CREB5: variants seen among roughly 807,000 people sequenced by gnomAD.
CREB5 encodes the protein cyclic AMP-responsive element-binding protein 5.
A neutral mutation model predicts 57.1 loss-of-function variants in CREB5; 19 were observed. That is an observed-to-expected ratio of 0.33 (90% CI 0.23 to 0.49). The LOEUF is 0.49. Ranked by LOEUF, CREB5 falls within the 20% of genes least tolerant of loss-of-function variation. CREB5 has a pLI of 0.99. For synonymous variants in CREB5, 238 were observed against 238.3 expected (o/e 1.00, Z 0.01); for missense variants, 579 against 671.6 (o/e 0.86, Z 1.52).
intron 1 of CREB5, among the ~76,000 whole-genome samples, chr7:28,435,381 A>ATTT (rs34815040): frequency 9.7e-5 from 10 of 103,520 alleles, no homozygotes; most frequent in African/African-American, 3.0e-4. Context: ...TTTCCCTTCC[A>ATTT]TTTTTTTTTT....
At chr7:28,388,407 G>A (rs1787153031) in intron 1 of CREB5, among the ~76,000 whole-genome samples, 1 of 152,146 alleles carries the variant, frequency 6.6e-6, no homozygotes, top group South Asian at 2.1e-4. Flanking sequence ...TTAGGCCTCA[G>A]TGTGGCCATT....
chr7:28,420,396 A>G (rs1422959136), intron 1 of CREB5, among the ~76,000 whole-genome samples: 2 of 152,250 alleles, frequency 1.3e-5, no homozygotes, highest in African/African-American at 4.8e-5. Flanking sequence ...AGAAAGTCTT[A>G]TATTCCTTCA....
intron 1 of CREB5, among the ~76,000 whole-genome samples, chr7:28,337,681 A>G (rs560022084): frequency 4.6e-5 from 7 of 152,012 alleles, no homozygotes; most frequent in African/African-American, 1.4e-4. Context: ...GATTGGAAAG[A>G]TTTGTCCATT....
chr7:28,761,795 G>A (rs1562623404), intron 7 of CREB5, among the ~76,000 whole-genome samples: 1 of 151,860 alleles, frequency 6.6e-6, no homozygotes, highest in Non-Finnish European at 1.5e-5. Flanking sequence ...GGGGTCAAAG[G>A]TGATAATTCA....
chr7:28,648,928 G>C (rs1055931238), intron 5 of CREB5, among the ~76,000 whole-genome samples: 4 of 152,114 alleles, frequency 2.6e-5, no homozygotes, highest in African/African-American at 9.7e-5. Context: ...TGCCTTAAAA[G>C]CTTTAATGTA....
At chr7:28,774,484 C>G (rs986607754) in intron 7 of CREB5, among the ~76,000 whole-genome samples, 1 of 152,222 alleles carries the variant, frequency 6.6e-6, no homozygotes, top group Non-Finnish European at 1.5e-5. Flanking sequence ...TTCCCAGAAT[C>G]CTGCATTTAC....
At chr7:28,367,367 C>T (rs1431234391) in intron 1 of CREB5, among the ~76,000 whole-genome samples, 1 of 152,344 alleles carries the variant, frequency 6.6e-6, no homozygotes, top group East Asian at 1.9e-4. Flanking sequence ...TCCGGCACCA[C>T]ATCCAACCAA....
intron 7 of CREB5, among the ~76,000 whole-genome samples, chr7:28,748,903 C>T (rs181697054): frequency 2.0e-5 from 3 of 152,308 alleles, no homozygotes; most frequent in Non-Finnish European, 2.9e-5. Flanking sequence ...CTCCCAGTGT[C>T]GTAGCTGCTT....
intron 1 of CREB5, among the ~76,000 whole-genome samples, chr7:28,431,647 C>T (rs998095161): frequency 1.3e-5 from 2 of 152,226 alleles, no homozygotes; most frequent in African/African-American, 4.8e-5. Flanking sequence ...TTTAACTTGC[C>T]GGTTCACAGA....
chr7:28,739,353 G>A (rs1804209712), intron 7 of CREB5, among the ~76,000 whole-genome samples: 1 of 152,208 alleles, frequency 6.6e-6, no homozygotes, highest in Non-Finnish European at 1.5e-5. Flanking sequence ...TGTCTGTTCA[G>A]TAGCGCTGGT....
intron 1 of CREB5, among the ~76,000 whole-genome samples, chr7:28,438,946 G>C (rs1255092352): frequency 6.6e-6 from 1 of 152,202 alleles, no homozygotes; most frequent in African/African-American, 2.4e-5. Context: ...AAAACTTGGA[G>C]AGCAGGGTAA....
At chr7:28,597,511 A>C (rs1215571076) in intron 5 of CREB5, among the ~76,000 whole-genome samples, 1 of 152,242 alleles carries the variant, frequency 6.6e-6, no homozygotes, top group African/African-American at 2.4e-5. Context: ...ATCAGGAAAG[A>C]TAAACAGTGA....
At chr7:28,556,993 ACTT>A in intron 4 of CREB5, among the ~76,000 whole-genome samples, 1 of 152,266 alleles carries the variant, frequency 6.6e-6, no homozygotes, top group East Asian at 1.9e-4. Flanking sequence ...AGTCCTGGTA[ACTT>A]CTTCCTTCTC....
intron 5 of CREB5, among the ~76,000 whole-genome samples, chr7:28,620,926 C>A (rs1249387794): frequency 6.6e-6 from 1 of 152,118 alleles, no homozygotes; most frequent in Non-Finnish European, 1.5e-5. Flanking sequence ...AATAAGAAGT[C>A]CCTAAAATTA....
chr7:28,742,571 AAAAGAAAAGAAAAGG>A (rs1242399600), intron 7 of CREB5, among the ~76,000 whole-genome samples: 2 of 151,974 alleles, frequency 1.3e-5, no homozygotes, highest in East Asian at 3.9e-4. Context: ...GTCTCAAAAA[AAAAGAAAAGAAAAGG>A]AAAGAAAAGA....
chr7:28,647,596 TC>T (rs1798936683), intron 5 of CREB5, among the ~76,000 whole-genome samples: 1 of 152,268 alleles, frequency 6.6e-6, no homozygotes, highest in South Asian at 2.1e-4. Flanking sequence ...ATCTGCAACT[TC>T]TGGAGAAATT....
chr7:28,570,600 C>T (rs2128648667), intron 5 of CREB5, 63 bp downstream of exon 5: 1 of 1,553,216 alleles, frequency 6.4e-7, no homozygotes, highest in Non-Finnish European at 8.8e-7. Context: ...TCCTGGACTT[C>T]CTCCTGGTTT....
chr7:28,378,179 T>A (rs989290696), intron 1 of CREB5, among the ~76,000 whole-genome samples: 5 of 152,166 alleles, frequency 3.3e-5, no homozygotes, highest in African/African-American at 1.2e-4. Flanking sequence ...TTTACAGCTA[T>A]GGGCATTTGT....
At chr7:28,341,793 C>T (rs1785942531) in intron 1 of CREB5, among the ~76,000 whole-genome samples, 1 of 152,198 alleles carries the variant, frequency 6.6e-6, no homozygotes, top group African/African-American at 2.4e-5. Flanking sequence ...TCATTTATCA[C>T]TTATTCAATA....
Sources: allele counts gnomAD v4.1 joint callset (sites outside exome capture counted in the v4.1 genomes callset), GRCh38; gene constraint gnomAD v4.1.1; transcripts MANE v1.5; gene names NCBI Gene and HGNC (gene_info 2026-07-23, HGNC 2026-07-21).